Variants in NDUFA5 observed in about 807,000 individuals in gnomAD.
NDUFA5 encodes NADH dehydrogenase [ubiquinone] 1 alpha subcomplex subunit 5.
In NDUFA5, 11 loss-of-function variants were observed where a neutral mutation model predicts 19.8. The ratio of observed to expected loss-of-function variants is 0.56; its 90% CI spans 0.35 to 0.92. The LOEUF is 0.92. Ranked by LOEUF, NDUFA5 falls within the 40% of genes least tolerant of loss-of-function variation. The probability of loss-of-function intolerance (pLI) is 0.01; values close to 1 mark genes in which losing one functional copy is unlikely to be tolerated. For missense variants in NDUFA5, 109 were observed against 134.2 expected (o/e 0.81, Z 0.93); for synonymous variants, 47 against 46.8 (o/e 1.00, Z -0.01).
upstream of NDUFA5, among the ~76,000 whole-genome samples, chr7:123,562,888 C>T (rs368801632): frequency 2.6e-5 from 4 of 151,224 alleles, no homozygotes; most frequent in South Asian, 6.3e-4. Flanking sequence ...ACCTTTGCCT[C>T]CCTGGTTCAA....
At chr7:123,572,031 T>C in the NDUFA5 span, among the ~76,000 whole-genome samples, 2 of 151,430 alleles carry the variant, frequency 1.3e-5, no homozygotes, top group African/African-American at 4.9e-5. Flanking sequence ...CAAGCAATCC[T>C]CCTGCCTTGG....
chr7:123,571,241 C>T, the NDUFA5 span, among the ~76,000 whole-genome samples: 1 of 152,198 alleles, frequency 6.6e-6, no homozygotes, highest in Non-Finnish European at 1.5e-5. Context: ...CAAACCTGTA[C>T]ATACAAAGCC....
chr7:123,598,721 C>T, the NDUFA5 span: 3 of 152,202 alleles, frequency 2.0e-5, no homozygotes, highest in Non-Finnish European at 4.4e-5. Context: ...ACAGGATCTT[C>T]CTCACTGTTT....
the NDUFA5 span, among the ~76,000 whole-genome samples, chr7:123,596,190 G>T: frequency 2.0e-5 from 3 of 152,096 alleles, no homozygotes; most frequent in South Asian, 4.1e-4. Flanking sequence ...TTGGGGGGAG[G>T]CAAATCATGA....
the NDUFA5 span, among the ~76,000 whole-genome samples, chr7:123,595,840 A>G: frequency 6.6e-6 from 1 of 152,212 alleles, no homozygotes; most frequent in African/African-American, 2.4e-5. Context: ...TGAATGGGCC[A>G]TATCTTCAAG....
At chr7:123,544,682 TTAA>T (rs1306700628) in intron 4 of NDUFA5, among the ~76,000 whole-genome samples, 3 of 144,758 alleles carry the variant, frequency 2.1e-5, no homozygotes, top group African/African-American at 7.6e-5. Flanking sequence ...AGTAAAAATA[TTAA>T]TGACATAATT....
At chr7:123,582,700 A>C in the NDUFA5 span, among the ~76,000 whole-genome samples, 1 of 151,890 alleles carries the variant, frequency 6.6e-6, no homozygotes, top group Non-Finnish European at 1.5e-5. Context: ...TCAAGACTTT[A>C]TATCGTCTAA....
upstream of NDUFA5, among the ~76,000 whole-genome samples, chr7:123,561,883 C>T (rs1281286446): frequency 1.3e-5 from 2 of 151,782 alleles, no homozygotes; most frequent in Non-Finnish European, 2.9e-5. Flanking sequence ...AGCGTGGCCA[C>T]CGCACCTGGC....
At chr7:123,557,828 T>A, upstream of NDUFA5, 1 of 1,613,782 alleles carries the variant, frequency 6.2e-7, no homozygotes, top group Non-Finnish European at 8.5e-7. Flanking sequence ...CGCACAACCC[T>A]TTGGGAACAA....
chr7:123,576,709 A>G, the NDUFA5 span, among the ~76,000 whole-genome samples: 1 of 152,142 alleles, frequency 6.6e-6, no homozygotes, highest in Admixed American at 6.6e-5. Context: ...CAGTAAAAGA[A>G]AACAGCTTTT....
the NDUFA5 span, among the ~76,000 whole-genome samples, chr7:123,597,493 G>A: frequency 1.6e-4 from 25 of 152,248 alleles, no homozygotes; most frequent in South Asian, 3.1e-3. Context: ...ATAGAGTTCT[G>A]TATTATTTGT....
At chr7:123,575,871 AT>A in the NDUFA5 span, among the ~76,000 whole-genome samples, 4 of 149,906 alleles carry the variant, frequency 2.7e-5, no homozygotes, top group Admixed American at 1.3e-4. Context: ...TCCATATCAA[AT>A]TTTTGGTTAC....
the NDUFA5 span, among the ~76,000 whole-genome samples, chr7:123,577,863 A>C: frequency 6.6e-6 from 1 of 152,076 alleles, no homozygotes; most frequent in Admixed American, 6.6e-5. Flanking sequence ...TTTTGAAAAA[A>C]TATCAAGCGT....
At chr7:123,597,557 C>T in the NDUFA5 span, among the ~76,000 whole-genome samples, 1 of 152,178 alleles carries the variant, frequency 6.6e-6, no homozygotes, top group Non-Finnish European at 1.5e-5. Context: ...CCTGGCCAGA[C>T]GTGGTGGCTC....
Position 123,545,322 on chromosome 7 carries a change from A to G in NDUFA5, c.249+289T>C, listed in dbSNP as rs1231959572. ...ATACAACTATTAAAACAACAGTAAT[A>G]TTGTGCTACCAATTTAAACTAAGGT... On this transcript the variant is annotated intron_variant, in intron 4 of 4. Coordinates refer to ENST00000355749, the MANE Select transcript of NDUFA5 (RefSeq NM_005000.5). Among the ~76,000 whole-genome samples the G allele has an allele frequency of 3.9e-5, 6 of 152,256 alleles. No homozygotes were observed. The East Asian group carries it at 9.6e-4, about 24-fold the overall frequency.
the NDUFA5 span, among the ~76,000 whole-genome samples, chr7:123,566,120 G>A: frequency 6.6e-6 from 1 of 152,206 alleles, no homozygotes; most frequent in African/African-American, 2.4e-5. Context: ...CTTATCCAGT[G>A]TCAATGATGT....
At chr7:123,543,811 C>A (rs1387725045) in intron 4 of NDUFA5, among the ~76,000 whole-genome samples, 1 of 151,962 alleles carries the variant, frequency 6.6e-6, no homozygotes, top group Non-Finnish European at 1.5e-5. Context: ...GCGGCAAGTT[C>A]CCATAACACT....
At chr7:123,563,719 A>G in the NDUFA5 span, among the ~76,000 whole-genome samples, 3 of 152,216 alleles carry the variant, frequency 2.0e-5, no homozygotes, top group African/African-American at 7.2e-5. Flanking sequence ...ACAATAACAT[A>G]AAGTGTGCCT....
At chr7:123,592,615 T>C in the NDUFA5 span, among the ~76,000 whole-genome samples, 2 of 152,216 alleles carry the variant, frequency 1.3e-5, no homozygotes, top group Non-Finnish European at 2.9e-5. Flanking sequence ...TTCTTAATCC[T>C]TATTTCTAAT....
Sources: gnomAD v4.1 joint callset for allele counts (sites outside exome capture counted in the v4.1 genomes callset) on GRCh38, gnomAD v4.1.1 for gene constraint, MANE v1.5 for transcripts, NCBI Gene and HGNC (gene_info 2026-07-23, HGNC 2026-07-21) for gene names.